Variants in HMCN1 observed in about 807,000 individuals in gnomAD.
The protein encoded by HMCN1 is hemicentin 1, also known as hemicentin-1.
A neutral mutation model predicts 625.9 loss-of-function variants in HMCN1; 321 were observed. The observed-to-expected ratio is 0.51, with a 90% CI of 0.47 to 0.56. HMCN1 has a LOEUF of 0.56. HMCN1 is among the 20% of genes least tolerant of loss of function. The pLI is 0.00. For missense variants in HMCN1, 6,588 were observed against 6,887.3 expected (o/e 0.96, Z 1.54); for synonymous variants, 2,425 against 2,417.6 (o/e 1.00, Z -0.09).
At chr1:185,886,323 T>G (rs1664648342) in intron 4 of HMCN1, among the ~76,000 whole-genome samples, 1 of 152,100 alleles carries the variant, frequency 6.6e-6, no homozygotes, top group Admixed American at 6.6e-5. Context: ...CATGTATAAT[T>G]TAAATGAAGT....
rs777053849 is a variant in HMCN1, at chr1:185,990,431, C to T, written c.3365C>T (p.Pro1122Leu). The T allele has an allele frequency of 9.3e-6, 15 of 1,613,868 alleles. No homozygotes were observed. Among genetic ancestry groups the T allele is most frequent in the African/African-American group, 1.3e-5 (1 of 75,018 alleles). Reference sequence around the variant, plus strand: ...GCCAAAGAAACCCAGCTCATCTCACCGTTCTCTCCAAGGTAGGAGATCTGG... The same window carrying T: ...GCCAAAGAAACCCAGCTCATCTCACTGTTCTCTCCAAGGTAGGAGATCTGG... ...TWAKETQLISPFSPRHTFLPS... is the reference protein window; with the variant it reads ...TWAKETQLISLFSPRHTFLPS... The change falls in exon 22 of 107, where the codon CCG (proline) becomes CTG (leucine). Residue 1122 changes from proline (P) to leucine (L), a missense_variant. Transcript: ENST00000271588.
At chr1:185,853,864 A>G (rs1010633867) in intron 2 of HMCN1, among the ~76,000 whole-genome samples, 1 of 152,212 alleles carries the variant, frequency 6.6e-6, no homozygotes, top group African/African-American at 2.4e-5. Context: ...GTGTGCATCT[A>G]TGGGAATATC....
intron 19 of HMCN1, among the ~76,000 whole-genome samples, chr1:185,986,181 A>C (rs181778087): frequency 3.3e-5 from 5 of 152,316 alleles, no homozygotes; most frequent in African/African-American, 1.2e-4. Context: ...TTTAAGAATA[A>C]ATTATCTAAA....
chr1:185,989,672 T>C (rs1302619604), intron 21 of HMCN1, 25 bp downstream of exon 21: 2 of 1,611,988 alleles, frequency 1.2e-6, no homozygotes, highest in Admixed American at 3.3e-5. Context: ...AGGAATGGTT[T>C]TTATTGACAT....
At chr1:185,802,535 C>T (rs1052904004) in intron 1 of HMCN1, among the ~76,000 whole-genome samples, 2 of 151,988 alleles carry the variant, frequency 1.3e-5, no homozygotes, top group Non-Finnish European at 2.9e-5. Context: ...AAAGAGCACG[C>T]AACTGAAAGA....
chr1:185,894,711 T>G (rs1665383101), intron 4 of HMCN1, among the ~76,000 whole-genome samples: 2 of 152,230 alleles, frequency 1.3e-5, no homozygotes, highest in Admixed American at 6.5e-5. Flanking sequence ...TATGATTATT[T>G]TATTTATTTT....
In HMCN1 at chr1:186,119,175, T is replaced by A; in HGVS notation, c.11849-16T>A. On this transcript the variant is annotated splice_polypyrimidine_tract_variant and intron_variant, in intron 77 of 106. Coordinates refer to ENST00000271588, the MANE Select transcript of HMCN1 (RefSeq NM_031935.3). ...TGAGATGCAGTATATATTAAAACAT[T>A]TTTTTTCATTTTTAGGAGCAATTGA... 1.9e-6 allele frequency: 3 copies of A among 1,589,966 alleles called. No individual in the cohort carries two copies. Among genetic ancestry groups the A allele is most frequent in the Non-Finnish European group, 2.6e-6 (3 of 1,158,142 alleles).
chr1:186,190,234 C>A lies in HMCN1; in HGVS notation c.*356C>A. The stretch of plus-strand genomic sequence containing the variant: ...ACCAAACAACGAAAAACAAGAACAA[C>A]TAATTCAGAATCAAATAGAGTTTTT... On this transcript the variant is annotated 3_prime_UTR_variant, in exon 107 of 107. Coordinates refer to ENST00000271588, the MANE Select transcript of HMCN1 (RefSeq NM_031935.3). 1 of 263,850 alleles carries A rather than the reference C, an allele frequency of 3.8e-6. No individual in the cohort carries two copies. Among genetic ancestry groups the A allele is most frequent in the African/African-American group, 2.2e-5 (1 of 46,026 alleles). The allele number at this position is 263,850 out of a possible 1,614,324, so 16.3% of individuals were successfully genotyped here.
In HMCN1 at chr1:186,087,662, T is replaced by C; in HGVS notation, c.9363+17T>C. 26 of 1,609,314 alleles carry C rather than the reference T, an allele frequency of 1.6e-5. No homozygotes were observed. Among genetic ancestry groups the C allele is most frequent in the Non-Finnish European group, 2.2e-5 (26 of 1,176,110 alleles). Reference sequence around the variant, plus strand: ...AAAGCTGAGGTGCATCTTTTATTCTTGTTTGAGTGTCATGACACCTTGGTG... The same window carrying C: ...AAAGCTGAGGTGCATCTTTTATTCTCGTTTGAGTGTCATGACACCTTGGTG... On this transcript the variant is annotated intron_variant, in intron 60 of 106. Transcript: ENST00000271588.
chr1:186,092,985 G>T (rs991037885), intron 64 of HMCN1, 149 bp from the exon 65 acceptor site: 2 of 908,492 alleles, frequency 2.2e-6, no homozygotes, highest in African/African-American at 3.3e-5. Context: ...TTATAAGGAG[G>T]TGGTAGATAT....
intron 4 of HMCN1, among the ~76,000 whole-genome samples, chr1:185,869,641 G>T (rs1037222903): frequency 6.6e-6 from 1 of 152,072 alleles, no homozygotes; most frequent in African/African-American, 2.4e-5. Context: ...ATTCCTTAAA[G>T]AAAGCTACCA....
chr1:186,074,154 T>C (rs562888864), intron 52 of HMCN1, among the ~76,000 whole-genome samples: 1 of 152,188 alleles, frequency 6.6e-6, no homozygotes, highest in East Asian at 1.9e-4. Context: ...CTATTAGCTA[T>C]AGGCAATGTT....
At chr1:185,904,495 G>A (rs750227154) in intron 4 of HMCN1, among the ~76,000 whole-genome samples, 7 of 151,600 alleles carry the variant, frequency 4.6e-5, no homozygotes, top group Non-Finnish European at 8.9e-5. Context: ...ATTATGTTTG[G>A]CATGCATTTC....
intron 36 of HMCN1, among the ~76,000 whole-genome samples, chr1:186,023,461 A>G (rs1654857422): frequency 6.6e-6 from 1 of 152,148 alleles, no homozygotes; most frequent in Non-Finnish European, 1.5e-5. Context: ...TTGAAAAGAC[A>G]GAAGTTGACA....
intron 36 of HMCN1, among the ~76,000 whole-genome samples, chr1:186,037,104 C>T (rs751485780): frequency 2.6e-5 from 4 of 151,030 alleles, no homozygotes; most frequent in Admixed American, 6.6e-5. Context: ...GTATGTGGGT[C>T]GAGGGTCTGT....
chr1:186,132,550 G>A, intron 86 of HMCN1, 141 bp downstream of exon 86: 1 of 706,908 alleles, frequency 1.4e-6, no homozygotes. Flanking sequence ...TGCTGCTGAT[G>A]GAGCAGTTGT....
At chr1:186,070,948 G>A (rs1237064333) in intron 52 of HMCN1, among the ~76,000 whole-genome samples, 191 bp downstream of exon 52, 2 of 151,674 alleles carry the variant, frequency 1.3e-5, no homozygotes, top group South Asian at 2.1e-4. Context: ...AACAATTTTA[G>A]CATTATTCCA....
In HMCN1 at chr1:186,023,116, T is replaced by C; in HGVS notation, c.5712T>C (p.Ala1904=). 1 of 1,613,378 alleles carries C rather than the reference T, an allele frequency of 6.2e-7. No individual in the cohort carries two copies. ...ACACATGTGTGGCTACCAACGCAGCTGGAGAAACACAACAGCACATTCAAC... is the reference window on the plus strand; with the variant it reads ...ACACATGTGTGGCTACCAACGCAGCCGGAGAAACACAACAGCACATTCAAC... ...GRYTCVATNA[A]GETQQHIQLH... Residue 1904 remains alanine (A), a synonymous_variant, in exon 36 of 107, where the codon GCT becomes GCC. Coordinates refer to ENST00000271588, the MANE Select transcript of HMCN1 (RefSeq NM_031935.3).
In HMCN1 at chr1:186,128,062, CTTTTT is replaced by C. The variant is rs751950084; in HGVS notation, c.12691-13_12691-9del. On this transcript the variant is annotated splice_polypyrimidine_tract_variant and intron_variant, in intron 82 of 106. Transcript: ENST00000271588. Reference sequence around the variant, plus strand: ...GATGATTATGAAATTTTAAATGTTACTTTTTTTAATTTTAGCTGGAGGATTCTGGC... The same window carrying C: ...GATGATTATGAAATTTTAAATGTTACTTAATTTTAGCTGGAGGATTCTGGC... 8 of 1,608,960 alleles carry C rather than the reference CTTTTT, an allele frequency of 5.0e-6. No homozygotes were observed. The highest frequency in any genetic ancestry group is 6.8e-6 in the Non-Finnish European group (8 of 1,175,936).
Sources: gnomAD v4.1 joint callset for allele counts (sites outside exome capture counted in the v4.1 genomes callset) on GRCh38, gnomAD v4.1.1 for gene constraint, MANE v1.5 for transcripts, NCBI Gene and HGNC (gene_info 2026-07-23, HGNC 2026-07-21) for gene names.